Variants in ITPR1 observed in about 807,000 individuals in gnomAD.
ITPR1 encodes the protein inositol 1,4,5-trisphosphate-gated calcium channel ITPR1.
Under a neutral mutation model 318.4 loss-of-function variants are expected in ITPR1, and 96 were observed. The observed-to-expected ratio is 0.30, with a 90% confidence interval of 0.26 to 0.36. ITPR1 has a LOEUF of 0.36. ITPR1 is among the 10% of genes least tolerant of loss of function. ITPR1 has a pLI of 1.00. For missense variants in ITPR1, 2,440 were observed against 3,460.2 expected, an observed-to-expected ratio of 0.71 and a Z score of 7.40; for synonymous variants, 1,312 against 1,289.9, an observed-to-expected ratio of 1.02 and a Z score of -0.37.
intron 4 of ITPR1, among the ~76,000 whole-genome samples, chr3:4,620,695 T>C (rs1454071817): frequency 2.0e-5 from 3 of 151,248 alleles, no homozygotes; most frequent in African/African-American, 7.3e-5. Context: ...TTTTTTTTTT[T>C]TTTTTGGTGG....
intron 4 of ITPR1, among the ~76,000 whole-genome samples, chr3:4,620,516 G>GT (rs1281876650): frequency 6.6e-6 from 1 of 152,074 alleles, no homozygotes; most frequent in Non-Finnish European, 1.5e-5. Flanking sequence ...CTAATTGCGT[G>GT]TTTTTTCATG....
At chr3:4,844,399 C>T (rs186137426) in intron 61 of ITPR1, among the ~76,000 whole-genome samples, 1 of 152,296 alleles carries the variant, frequency 6.6e-6, no homozygotes, top group East Asian at 1.9e-4. Flanking sequence ...GGTGGGATTA[C>T]AGGCGTGAGC....
intron 5 of ITPR1, among the ~76,000 whole-genome samples, chr3:4,637,287 C>G (rs982499954): frequency 3.9e-5 from 6 of 152,196 alleles, no homozygotes; most frequent in Non-Finnish European, 7.3e-5. Flanking sequence ...ACAAATGGCT[C>G]TCCGCAAAGA....
chr3:4,816,496 C>T (rs890152339), intron 59 of ITPR1, among the ~76,000 whole-genome samples: 12 of 152,314 alleles, frequency 7.9e-5, no homozygotes, highest in South Asian at 2.1e-4. Flanking sequence ...AAGCAATTCT[C>T]GTGCTTCAGC....
intron 60 of ITPR1, among the ~76,000 whole-genome samples, chr3:4,832,290 T>C (rs771995664): frequency 2.6e-5 from 4 of 152,204 alleles, no homozygotes; most frequent in Non-Finnish European, 5.9e-5. Flanking sequence ...TATCTTTGCA[T>C]TGAAGGCCTC....
rs151334695 is a variant in ITPR1 at position 4,644,662 on chromosome 3, C to G, written c.624+428C>G. Among the ~76,000 whole-genome samples the G allele has an allele frequency of 5.6e-3, 856 of 152,324 alleles. 5 individuals are homozygous for G. The highest frequency in any genetic ancestry group is 8.0e-3 in the Non-Finnish European group (542 of 68,036). On this transcript the variant is annotated intron_variant, in intron 8 of 61. Coordinates refer to ENST00000649015, the MANE Select transcript of ITPR1 (RefSeq NM_001378452.1). ...TGATAGCTTGCTTTTGGCAATACAT[C>G]TACTTCTCCTCTAAATTAGCAATTA...
At chr3:4,832,668 G>A (rs1331450843) in intron 60 of ITPR1, among the ~76,000 whole-genome samples, 3 of 152,260 alleles carry the variant, frequency 2.0e-5, no homozygotes, top group East Asian at 1.9e-4. Context: ...TCTGGTCTAC[G>A]TAACTTTTTG....
At chr3:4,754,945 A>G (rs2044840070) in intron 44 of ITPR1, among the ~76,000 whole-genome samples, 1 of 152,192 alleles carries the variant, frequency 6.6e-6, no homozygotes, top group African/African-American at 2.4e-5. Context: ...TGTGCCGTGT[A>G]TCCCCACAAA....
intron 60 of ITPR1, among the ~76,000 whole-genome samples, chr3:4,828,296 A>G (rs1242780067): frequency 6.6e-6 from 1 of 152,218 alleles, no homozygotes; most frequent in African/African-American, 2.4e-5. Context: ...GAAAATTGCT[A>G]AAATCCTCAT....
intron 59 of ITPR1, 30 bp downstream of exon 59, chr3:4,815,248 G>T (rs776234308): frequency 1.9e-6 from 3 of 1,610,936 alleles, no homozygotes; most frequent in Non-Finnish European, 2.5e-6. Context: ...TCCAGCAAGG[G>T]CGTGAAGGCC....
intron 5 of ITPR1, among the ~76,000 whole-genome samples, chr3:4,630,429 G>A (rs1036814397): frequency 4.6e-5 from 7 of 151,924 alleles, no homozygotes; most frequent in South Asian, 2.1e-4. Flanking sequence ...AATCACAGTC[G>A]TAGGATATAG....
At chr3:4,803,421 G>A (rs929959298) in intron 54 of ITPR1, among the ~76,000 whole-genome samples, 1 of 152,166 alleles carries the variant, frequency 6.6e-6, no homozygotes, top group African/African-American at 2.4e-5. Flanking sequence ...AGAATAATGT[G>A]GCCATCTAAA....
At chr3:4,562,074 A>T (rs1467200624) in intron 4 of ITPR1, among the ~76,000 whole-genome samples, 1 of 146,178 alleles carries the variant, frequency 6.8e-6, no homozygotes, top group East Asian at 2.0e-4. Context: ...TACACTAACA[A>T]CAGCTTATGA....
intron 4 of ITPR1, among the ~76,000 whole-genome samples, chr3:4,592,568 A>G (rs2090474945): frequency 6.6e-6 from 1 of 151,822 alleles, no homozygotes; most frequent in Non-Finnish European, 1.5e-5. Context: ...GGTTGAAGTG[A>G]TGCTGTCATG....
chr3:4,740,727 C>T (rs1189584771), intron 44 of ITPR1, among the ~76,000 whole-genome samples: 1 of 152,068 alleles, frequency 6.6e-6, no homozygotes, highest in Non-Finnish European at 1.5e-5. Context: ...CCAGACTTCT[C>T]CTACCTGGCT....
At chr3:4,566,453 T>C (rs1315359514) in intron 4 of ITPR1, among the ~76,000 whole-genome samples, 2 of 152,084 alleles carry the variant, frequency 1.3e-5, no homozygotes, top group African/African-American at 4.8e-5. Flanking sequence ...ACCTCAGCTC[T>C]GAATAAATAA....
chr3:4,683,963 G>C (rs535074112), intron 28 of ITPR1, among the ~76,000 whole-genome samples, 165 bp downstream of exon 28: 3 of 152,166 alleles, frequency 2.0e-5, no homozygotes, highest in African/African-American at 2.4e-5. Context: ...AATAAGCTAC[G>C]AATCAAAGTT....
At chr3:4,620,682 T>G (rs2092594146) in intron 4 of ITPR1, among the ~76,000 whole-genome samples, 1 of 22,576 alleles carries the variant, frequency 4.4e-5, no homozygotes, top group Non-Finnish European at 8.3e-5. Context: ...CTTTGTGGGT[T>G]TTTTTTTTTT....
chr3:4,606,205 G>T (rs996941831), intron 4 of ITPR1, among the ~76,000 whole-genome samples: 2 of 152,160 alleles, frequency 1.3e-5, no homozygotes, highest in African/African-American at 4.8e-5. Context: ...CTAGAATGAA[G>T]GTAGTGTTTG....
Sources: gnomAD v4.1 joint callset for allele counts (sites outside exome capture counted in the v4.1 genomes callset) on GRCh38, gnomAD v4.1.1 for gene constraint, MANE v1.5 for transcripts, NCBI Gene and HGNC (gene_info 2026-07-23, HGNC 2026-07-21) for gene names.